Variants in CTNND2 observed in about 807,000 individuals in gnomAD.
The protein encoded by CTNND2 is catenin delta 2, also known as catenin delta-2.
A neutral mutation model predicts 144.4 loss-of-function variants in CTNND2; 22 were observed. The ratio of observed to expected loss-of-function variants is 0.15; its 90% confidence interval spans 0.11 to 0.22. The LOEUF (loss-of-function observed/expected upper bound fraction) is 0.22, where lower values mean the gene tolerates loss of function less well. Among genes scored for constraint, CTNND2 ranks in the 10% least tolerant of loss-of-function variants. CTNND2 has a pLI of 1.00. For missense variants in CTNND2, 1,353 were observed against 1,618.8 expected (o/e 0.84, Z 2.82); for synonymous variants, 751 against 695.6 (o/e 1.08, Z -1.25).
chr5:11,728,883 G>A (rs1252003812), intron 2 of CTNND2, among the ~76,000 whole-genome samples: 1 of 151,904 alleles, frequency 6.6e-6, no homozygotes, highest in East Asian at 1.9e-4. Context: ...GGCCAATTCA[G>A]ATAAAAATTT....
chr5:11,028,796 C>T (rs993531280), intron 16 of CTNND2, among the ~76,000 whole-genome samples: 1 of 152,172 alleles, frequency 6.6e-6, no homozygotes, highest in Non-Finnish European at 1.5e-5. Flanking sequence ...GCAACCTCTG[C>T]CTCCTGGGTT....
At chr5:11,181,653 G>T (rs1265843682) in intron 11 of CTNND2, among the ~76,000 whole-genome samples, 17 of 151,902 alleles carry the variant, frequency 1.1e-4, no homozygotes, top group Non-Finnish European at 1.5e-5. Flanking sequence ...GGCTCCGTGT[G>T]TATGTGTGTG....
rs1247036287 is a variant in CTNND2 at position 11,273,516 on chromosome 5, T to C, written c.1629-36693A>G. Among the ~76,000 whole-genome samples, 3 of 152,228 alleles carry C rather than the reference T, an allele frequency of 2.0e-5. No homozygotes were observed. In the East Asian group the frequency reaches 5.8e-4, roughly 29 times the overall value. The stretch of plus-strand genomic sequence containing the variant: ...ATTAAAAATAACTTTGCATTTATTT[T>C]ATTAAGTGCCATAAGCTTGAAGGAA... On this transcript the variant is annotated intron_variant, in intron 9 of 21. Transcript: ENST00000304623.
intron 1 of CTNND2, among the ~76,000 whole-genome samples, chr5:11,863,695 T>C (rs1214407355): frequency 6.6e-6 from 1 of 152,202 alleles, no homozygotes; most frequent in East Asian, 1.9e-4. Flanking sequence ...ATCCACACTT[T>C]GCCTCTTCTA....
intron 3 of CTNND2, among the ~76,000 whole-genome samples, chr5:11,471,366 A>T (rs907888661): frequency 1.3e-5 from 2 of 152,146 alleles, no homozygotes; most frequent in Non-Finnish European, 2.9e-5. Context: ...CTAAAAAATG[A>T]ATGTAAACAC....
At chr5:11,854,064 T>G (rs1795140566) in intron 1 of CTNND2, among the ~76,000 whole-genome samples, 1 of 152,172 alleles carries the variant, frequency 6.6e-6, no homozygotes, top group Admixed American at 6.5e-5. Context: ...TTCGTTCTCC[T>G]AAGTATCCTC....
chr5:11,310,252 T>C (rs573128815), intron 9 of CTNND2, among the ~76,000 whole-genome samples: 6 of 152,058 alleles, frequency 3.9e-5, no homozygotes, highest in Non-Finnish European at 7.4e-5. Flanking sequence ...CAGCTTTTAG[T>C]GTGTTGTTCA....
intron 11 of CTNND2, among the ~76,000 whole-genome samples, chr5:11,180,136 G>C (rs909212247): frequency 6.6e-6 from 1 of 152,106 alleles, no homozygotes. Context: ...CTGCATCATG[G>C]GGGGTGGTTT....
intron 9 of CTNND2, among the ~76,000 whole-genome samples, chr5:11,312,576 A>G (rs1428654629): frequency 2.0e-5 from 3 of 148,502 alleles, no homozygotes; most frequent in South Asian, 4.3e-4. Context: ...GGTCCCTCTC[A>G]CAACATGTGG....
intron 3 of CTNND2, among the ~76,000 whole-genome samples, chr5:11,539,217 G>A (rs373558526): frequency 1.7e-4 from 26 of 152,234 alleles, no homozygotes; most frequent in African/African-American, 5.8e-4. Context: ...AGTCAAGAGC[G>A]TTCTTTGATT....
chr5:11,014,024 G>T (rs1741357992), intron 18 of CTNND2, among the ~76,000 whole-genome samples: 2 of 152,186 alleles, frequency 1.3e-5, no homozygotes, highest in Admixed American at 1.3e-4. Flanking sequence ...TCACCTGCTG[G>T]CCTTGGGCCA....
chr5:11,396,418 A>G (rs1281570534), intron 6 of CTNND2, among the ~76,000 whole-genome samples: 2 of 152,190 alleles, frequency 1.3e-5, no homozygotes, highest in Admixed American at 1.3e-4. Flanking sequence ...CTTTTTACCA[A>G]GAGTTGGTTT....
chr5:11,205,163 A>C (rs1373195818), intron 10 of CTNND2, among the ~76,000 whole-genome samples: 1 of 152,166 alleles, frequency 6.6e-6, no homozygotes, highest in African/African-American at 2.4e-5. Flanking sequence ...ATAGTGTGCA[A>C]GACTATCGCT....
At chr5:11,441,575 G>T (rs1424689669) in intron 3 of CTNND2, among the ~76,000 whole-genome samples, 1 of 150,562 alleles carries the variant, frequency 6.6e-6, no homozygotes, top group Non-Finnish European at 1.5e-5. Flanking sequence ...GTAGAGACGG[G>T]GTTTCACCAT....
At chr5:10,993,297 G>A (rs1738918362) in intron 18 of CTNND2, among the ~76,000 whole-genome samples, 2 of 152,100 alleles carry the variant, frequency 1.3e-5, no homozygotes, top group South Asian at 2.1e-4. Context: ...TATACAGAAA[G>A]CATCTATACT....
intron 1 of CTNND2, among the ~76,000 whole-genome samples, chr5:11,752,141 C>G (rs1788660211): frequency 6.6e-6 from 1 of 151,822 alleles, no homozygotes; most frequent in Non-Finnish European, 1.5e-5. Flanking sequence ...ATATCTTCTC[C>G]CATTCTGTAC....
intron 3 of CTNND2, among the ~76,000 whole-genome samples, chr5:11,488,890 A>G (rs911505481): frequency 6.6e-6 from 1 of 152,182 alleles, no homozygotes; most frequent in African/African-American, 2.4e-5. Flanking sequence ...GTGTACATCA[A>G]TAGTTTGTCC....
intron 2 of CTNND2, among the ~76,000 whole-genome samples, chr5:11,642,309 TAATA>T (rs1450903709): frequency 2.6e-5 from 4 of 152,168 alleles, no homozygotes; most frequent in Non-Finnish European, 4.4e-5. Context: ...AATAATATTA[TAATA>T]AATCATCAAA....
chr5:11,464,798 A>G (rs1159993683), intron 3 of CTNND2, among the ~76,000 whole-genome samples: 1 of 152,198 alleles, frequency 6.6e-6, no homozygotes, highest in Non-Finnish European at 1.5e-5. Context: ...ATGGGGTTTA[A>G]GAGATAAAAG....
Sources: gnomAD v4.1 joint callset for allele counts (sites outside exome capture counted in the v4.1 genomes callset) on GRCh38, gnomAD v4.1.1 for gene constraint, MANE v1.5 for transcripts, NCBI Gene and HGNC (gene_info 2026-07-23, HGNC 2026-07-21) for gene names.